Variants in TMEM217B observed in about 807,000 individuals in gnomAD.
The protein encoded by TMEM217B is putative transmembrane protein 217B.
chr6:37,257,799 G>A, the TMEM217B span: 2 of 1,118,440 alleles, frequency 1.8e-6, no homozygotes, highest in Non-Finnish European at 1.3e-6. Context: ...CCCAGGAGCT[G>A]GGAGCGGGTG....
chr6:37,244,608 A>G, the TMEM217B span, among the ~76,000 whole-genome samples: 1 of 152,360 alleles, frequency 6.6e-6, no homozygotes, highest in African/African-American at 2.4e-5. Context: ...ATTTAAGCAG[A>G]AAAACCATGG....
chr6:37,229,334 A>AGTTT, the TMEM217B span, among the ~76,000 whole-genome samples: 4 of 30,296 alleles, frequency 1.3e-4, no homozygotes, highest in Admixed American at 3.6e-4. Flanking sequence ...AGCAACTTTC[A>AGTTT]GTTTTTTTTT....
chr6:37,244,055 G>A, the TMEM217B span, among the ~76,000 whole-genome samples: 3 of 152,252 alleles, frequency 2.0e-5, no homozygotes, highest in Non-Finnish European at 1.5e-5. Flanking sequence ...CTCTGGAACA[G>A]TGGCTGGTTA....
chr6:37,223,579 G>A, the TMEM217B span, among the ~76,000 whole-genome samples: 1 of 152,212 alleles, frequency 6.6e-6, no homozygotes, highest in Non-Finnish European at 1.5e-5. Context: ...CGTGATCTCA[G>A]TTCACCACAA....
the TMEM217B span, among the ~76,000 whole-genome samples, chr6:37,250,379 T>C: frequency 1.3e-5 from 2 of 152,204 alleles, no homozygotes; most frequent in African/African-American, 4.8e-5. Context: ...AATCAAACTG[T>C]GCATATTAGT....
At chr6:37,229,839 G>C in the TMEM217B span, among the ~76,000 whole-genome samples, 1 of 152,112 alleles carries the variant, frequency 6.6e-6, no homozygotes, top group South Asian at 2.1e-4. Context: ...AGTTATAATA[G>C]TATCTCAGTT....
chr6:37,224,039 C>T, the TMEM217B span, among the ~76,000 whole-genome samples: 10 of 151,166 alleles, frequency 6.6e-5, no homozygotes, highest in Non-Finnish European at 1.3e-4. Flanking sequence ...TGGGTTCAAG[C>T]GATTCTCCTG....
chr6:37,232,131 AT>A, the TMEM217B span, among the ~76,000 whole-genome samples: 1 of 152,172 alleles, frequency 6.6e-6, no homozygotes, highest in East Asian at 1.9e-4. Context: ...AATGGAATTT[AT>A]TCTTAAATCT....
At chr6:37,235,787 G>A in the TMEM217B span, among the ~76,000 whole-genome samples, 1 of 152,172 alleles carries the variant, frequency 6.6e-6, no homozygotes, top group Non-Finnish European at 1.5e-5. Context: ...CTCACAGGGA[G>A]GAAAGTAGAA....
chr6:37,220,586 A>T, the TMEM217B span, among the ~76,000 whole-genome samples: 6 of 151,398 alleles, frequency 4.0e-5, no homozygotes, highest in South Asian at 4.2e-4. Context: ...TACATGAAGT[A>T]TTTTTTTTAA....
the TMEM217B span, among the ~76,000 whole-genome samples, chr6:37,224,320 T>G: frequency 6.7e-6 from 1 of 149,676 alleles, no homozygotes. Flanking sequence ...TTTTTTTAGC[T>G]GGGTGCAGTG....
the TMEM217B span, among the ~76,000 whole-genome samples, chr6:37,213,987 C>A: frequency 3.3e-5 from 5 of 152,224 alleles, no homozygotes; most frequent in Non-Finnish European, 7.3e-5. Context: ...GAAGCCTGAC[C>A]TGGCCTCTCT....
At chr6:37,235,435 G>A in the TMEM217B span, among the ~76,000 whole-genome samples, 6 of 151,802 alleles carry the variant, frequency 4.0e-5, no homozygotes, top group African/African-American at 1.2e-4. Context: ...GTGCCATCTC[G>A]GCTCACTGCA....
At chr6:37,229,902 T>C in the TMEM217B span, among the ~76,000 whole-genome samples, 1 of 152,204 alleles carries the variant, frequency 6.6e-6, no homozygotes, top group South Asian at 2.1e-4. Flanking sequence ...GTTTCTCTGC[T>C]CCAGGTTTCA....
the TMEM217B span, among the ~76,000 whole-genome samples, chr6:37,224,363 C>G: frequency 6.6e-6 from 1 of 151,268 alleles, no homozygotes; most frequent in South Asian, 2.1e-4. Flanking sequence ...CTTTGGGAGG[C>G]TGAGGTGGGC....
the TMEM217B span, among the ~76,000 whole-genome samples, chr6:37,213,916 C>T: frequency 6.6e-6 from 1 of 152,186 alleles, no homozygotes; most frequent in African/African-American, 2.4e-5. Context: ...CACAGTCACA[C>T]ATTAGGAGAA....
At chr6:37,243,148 C>T in the TMEM217B span, among the ~76,000 whole-genome samples, 1 of 152,162 alleles carries the variant, frequency 6.6e-6, no homozygotes, top group Non-Finnish European at 1.5e-5. Context: ...AAGGAAATAA[C>T]TAATAAAGTC....
chr6:37,255,683 CAAA>C, the TMEM217B span, among the ~76,000 whole-genome samples: 3 of 102,424 alleles, frequency 2.9e-5, no homozygotes. Context: ...GACCTGGTCT[CAAA>C]AAAAAAAAAA....
chr6:37,227,936 AAAGTCACAAAT>A, the TMEM217B span, among the ~76,000 whole-genome samples: 1 of 152,190 alleles, frequency 6.6e-6, no homozygotes, highest in Non-Finnish European at 1.5e-5. Context: ...TGAGATTTAA[AAAGTCACAAAT>A]AGGAACACAG....
Sources: gnomAD v4.1 joint callset for allele counts (sites outside exome capture counted in the v4.1 genomes callset) on GRCh38, gnomAD v4.1.1 for gene constraint, MANE v1.5 for transcripts, NCBI Gene and HGNC (gene_info 2026-07-23, HGNC 2026-07-21) for gene names.